CFAP96: variants seen among roughly 807,000 people sequenced by gnomAD.
The protein encoded by CFAP96 is cilia and flagella associated protein 96.
At chr4:185,418,714 A>T in the CFAP96 span, 3 of 1,613,638 alleles carry the variant, frequency 1.9e-6, no homozygotes, top group South Asian at 3.3e-5. Flanking sequence ...GCGTTTGAAG[A>T]CAGCTTAGTT....
chr4:185,427,455 C>T, the CFAP96 span, among the ~76,000 whole-genome samples: 4 of 152,280 alleles, frequency 2.6e-5, no homozygotes, highest in Admixed American at 2.6e-4. Flanking sequence ...ACTCAAACAG[C>T]TTGCTTTAAA....
the CFAP96 span, among the ~76,000 whole-genome samples, chr4:185,441,727 TTATC>T: frequency 1.3e-5 from 2 of 151,900 alleles, no homozygotes; most frequent in East Asian, 3.8e-4. Context: ...ATTTAAATAT[TTATC>T]TAAAACACAT....
the CFAP96 span, among the ~76,000 whole-genome samples, chr4:185,446,562 GA>G: frequency 5.8e-4 from 88 of 151,968 alleles, no homozygotes; most frequent in African/African-American, 2.0e-3. Flanking sequence ...TGCTTAAGTT[GA>G]AAAAAAATTT....
chr4:185,416,855 C>T, the CFAP96 span, among the ~76,000 whole-genome samples: 4 of 152,144 alleles, frequency 2.6e-5, no homozygotes, highest in Admixed American at 2.6e-4. Flanking sequence ...ATAAAATAAG[C>T]ATCTATGGCA....
the CFAP96 span, chr4:185,432,311 T>C: frequency 2.0e-5 from 17 of 830,848 alleles, no homozygotes; most frequent in African/African-American, 2.8e-4. Context: ...TTTTAAGTAT[T>C]ATTCTTAGTT....
chr4:185,437,471 T>C, the CFAP96 span, among the ~76,000 whole-genome samples: 3 of 152,216 alleles, frequency 2.0e-5, no homozygotes, highest in African/African-American at 7.2e-5. Flanking sequence ...AGTTTTTTGT[T>C]TTTGTTATTA....
At chr4:185,415,867 G>C in the CFAP96 span, 1 of 1,609,330 alleles carries the variant, frequency 6.2e-7, no homozygotes, top group Non-Finnish European at 8.5e-7. Context: ...ACTATTTGAT[G>C]CTATATAGAT....
chr4:185,418,555 A>C, the CFAP96 span: 2 of 1,610,858 alleles, frequency 1.2e-6, no homozygotes, highest in South Asian at 2.2e-5. Flanking sequence ...GATGTTTTGA[A>C]AACATTTCTA....
chr4:185,445,385 A>G, the CFAP96 span: 1 of 830,678 alleles, frequency 1.2e-6, no homozygotes, highest in African/African-American at 1.7e-5. Flanking sequence ...TTTAAAGCAA[A>G]TATATAGCGC....
At chr4:185,436,683 C>G in the CFAP96 span, among the ~76,000 whole-genome samples, 1 of 148,332 alleles carries the variant, frequency 6.7e-6, no homozygotes, top group Non-Finnish European at 1.5e-5. Context: ...GCACTCCAGC[C>G]TCGGTGACAG....
chr4:185,419,422 G>T, the CFAP96 span, among the ~76,000 whole-genome samples: 1 of 152,128 alleles, frequency 6.6e-6, no homozygotes, highest in African/African-American at 2.4e-5. Flanking sequence ...GAGCCACCGC[G>T]CCTGGCCCTC....
chr4:185,421,234 GA>G, the CFAP96 span, among the ~76,000 whole-genome samples: 1 of 152,164 alleles, frequency 6.6e-6, no homozygotes, highest in African/African-American at 2.4e-5. Flanking sequence ...GGGATGGGTG[GA>G]AAAGAATATT....
the CFAP96 span, chr4:185,449,542 C>A: frequency 3.7e-6 from 4 of 1,094,474 alleles, no homozygotes; most frequent in Non-Finnish European, 5.3e-6. Context: ...AAAGAATGTA[C>A]AGGTATTTGA....
chr4:185,426,182 G>T, the CFAP96 span: 8 of 439,272 alleles, frequency 1.8e-5, no homozygotes, highest in Non-Finnish European at 3.3e-5. Context: ...CTCCCACAGC[G>T]TGCTTGGAAT....
chr4:185,443,916 T>C, the CFAP96 span, among the ~76,000 whole-genome samples: 1 of 118,710 alleles, frequency 8.4e-6, no homozygotes, highest in Non-Finnish European at 1.7e-5. Context: ...TATAACTATA[T>C]CTTTCTTTTT....
At chr4:185,444,333 TATG>T in the CFAP96 span, among the ~76,000 whole-genome samples, 1 of 152,210 alleles carries the variant, frequency 6.6e-6, no homozygotes, top group Non-Finnish European at 1.5e-5. Context: ...AATGGGTTAT[TATG>T]ATTCTATAGA....
the CFAP96 span, among the ~76,000 whole-genome samples, chr4:185,430,370 ATAGTC>A: frequency 6.6e-6 from 1 of 152,224 alleles, no homozygotes; most frequent in Non-Finnish European, 1.5e-5. Context: ...AAGGTGCAGA[ATAGTC>A]TATATAGTGT....
chr4:185,432,864 A>G, the CFAP96 span, among the ~76,000 whole-genome samples: 1 of 150,912 alleles, frequency 6.6e-6, no homozygotes, highest in African/African-American at 2.4e-5. Context: ...TCTTGTCTAA[A>G]AAAAAAAAAT....
At chr4:185,439,989 TATATACAC>T in the CFAP96 span, among the ~76,000 whole-genome samples, 1,886 of 94,902 alleles carry the variant, frequency 0.02, 35 homozygotes, top group African/African-American at 0.064. Flanking sequence ...ATATGTGAGA[TATATACAC>T]ATATGAGATA....
Sources: allele counts gnomAD v4.1 joint callset (sites outside exome capture counted in the v4.1 genomes callset), GRCh38; gene constraint gnomAD v4.1.1; transcripts MANE v1.5; gene names NCBI Gene and HGNC (gene_info 2026-07-23, HGNC 2026-07-21).